NBAS: variants seen among roughly 807,000 people sequenced by gnomAD.
NBAS encodes NBAS subunit of NRZ tethering complex, also known as NAG/BC035112 fusion.
In NBAS, 219 loss-of-function variants were observed where a neutral mutation model predicts 302.5. The ratio of observed to expected loss-of-function variants is 0.72; its 90% confidence interval spans 0.65 to 0.81. NBAS has a LOEUF of 0.81. Among genes scored for constraint, NBAS ranks in the 30% least tolerant of loss-of-function variants. NBAS has a pLI of 0.00. For missense variants in NBAS, 2,932 were observed against 2,841.6 expected (o/e 1.03, Z -0.72); for synonymous variants, 1,118 against 1,021.6 (o/e 1.09, Z -1.80).
chr2:14,790,206 G>A, the NBAS span, among the ~76,000 whole-genome samples: 2 of 152,152 alleles, frequency 1.3e-5, no homozygotes, highest in African/African-American at 4.8e-5. Flanking sequence ...CCCACTTACT[G>A]CTAACTTCTT....
chr2:15,191,983 C>G (rs1238809745), intron 48 of NBAS, among the ~76,000 whole-genome samples: 1 of 152,154 alleles, frequency 6.6e-6, no homozygotes, highest in Non-Finnish European at 1.5e-5. Context: ...CACCAGATAT[C>G]TGAGTGACTC....
intron 9 of NBAS, among the ~76,000 whole-genome samples, chr2:15,528,630 G>A (rs2148671156): frequency 6.7e-6 from 1 of 149,770 alleles, no homozygotes; most frequent in Admixed American, 6.6e-5. Flanking sequence ...CACTTTGGGA[G>A]GCTGAGGCGG....
chr2:15,553,965 C>T, intron 4 of NBAS, 96 bp downstream of exon 4: 1 of 1,035,620 alleles, frequency 9.7e-7, no homozygotes, highest in Non-Finnish European at 1.5e-6. Context: ...CAATAAAAAT[C>T]AAGACTGAAA....
intron 44 of NBAS, among the ~76,000 whole-genome samples, chr2:15,245,909 A>G (rs1477866045): frequency 6.6e-6 from 1 of 152,192 alleles, no homozygotes; most frequent in Non-Finnish European, 1.5e-5. Context: ...GTAAAAGCCA[A>G]TCTTAGCTAA....
At chr2:15,067,159 CAAAAAAAAAAAAA>C in the NBAS span, among the ~76,000 whole-genome samples, 750 of 93,362 alleles carry the variant, frequency 8.0e-3, 8 homozygotes, top group African/African-American at 0.036. Flanking sequence ...CTTATCTCCA[CAAAAAAAAAAAAA>C]AAAAAAAAAA....
At chr2:15,082,894 A>G in the NBAS span, among the ~76,000 whole-genome samples, 2 of 152,254 alleles carry the variant, frequency 1.3e-5, no homozygotes, top group African/African-American at 4.8e-5. Context: ...GCTGACATGT[A>G]GTAGAGCCAG....
At chr2:15,145,937 G>A in the NBAS span, among the ~76,000 whole-genome samples, 1 of 151,968 alleles carries the variant, frequency 6.6e-6, no homozygotes, top group African/African-American at 2.4e-5. Context: ...TCCCTGAGTT[G>A]GAGAAAACAC....
chr2:14,932,666 G>A, the NBAS span, among the ~76,000 whole-genome samples: 2 of 152,200 alleles, frequency 1.3e-5, no homozygotes, highest in Non-Finnish European at 2.9e-5. Context: ...TTTCCTGAAT[G>A]GAACCCCTAA....
the NBAS span, among the ~76,000 whole-genome samples, chr2:15,159,916 A>G: frequency 1.3e-5 from 2 of 152,016 alleles, no homozygotes; most frequent in Non-Finnish European, 2.9e-5. Flanking sequence ...CTGGCTATGC[A>G]ATTTGGGGAT....
intron 44 of NBAS, among the ~76,000 whole-genome samples, chr2:15,258,566 C>T (rs1025611007): frequency 5.9e-5 from 9 of 152,064 alleles, no homozygotes; most frequent in Admixed American, 1.3e-4. Flanking sequence ...GTCTGTCCTA[C>T]GCGGTTGAGA....
At chr2:15,485,949 C>T (rs781607070) in intron 12 of NBAS, among the ~76,000 whole-genome samples, 4 of 152,092 alleles carry the variant, frequency 2.6e-5, no homozygotes, top group Non-Finnish European at 4.4e-5. Context: ...CTTCCATGTT[C>T]CCTACTTGGG....
At chr2:14,911,420 T>C in the NBAS span, among the ~76,000 whole-genome samples, 16 of 152,278 alleles carry the variant, frequency 1.1e-4, no homozygotes, top group Middle Eastern at 6.8e-3. Context: ...CATGAATACA[T>C]CCTGGACGCT....
the NBAS span, among the ~76,000 whole-genome samples, chr2:14,839,837 A>T: frequency 6.6e-6 from 1 of 152,102 alleles, no homozygotes; most frequent in Non-Finnish European, 1.5e-5. Context: ...AAAGAAGACT[A>T]GAATAAATAC....
intron 21 of NBAS, among the ~76,000 whole-genome samples, chr2:15,431,375 T>C (rs975013195): frequency 6.6e-6 from 1 of 152,206 alleles, no homozygotes; most frequent in Non-Finnish European, 1.5e-5. Flanking sequence ...GCATTTGAAG[T>C]GCTAATAAAA....
chr2:14,797,140 G>C, the NBAS span, among the ~76,000 whole-genome samples: 1 of 140,514 alleles, frequency 7.1e-6, no homozygotes, highest in African/African-American at 2.8e-5. Context: ...GCCACTGGGG[G>C]ACTACAGCCA....
the NBAS span, among the ~76,000 whole-genome samples, chr2:15,016,106 A>G: frequency 3.3e-5 from 5 of 152,142 alleles, no homozygotes; most frequent in Admixed American, 6.6e-5. Context: ...AGACTGGGTA[A>G]TTTATAAAGA....
chr2:15,085,693 C>G, the NBAS span, among the ~76,000 whole-genome samples: 1 of 152,200 alleles, frequency 6.6e-6, no homozygotes, highest in African/African-American at 2.4e-5. Context: ...TGGGGGCCTA[C>G]GAAGGCCCCC....
At chr2:15,141,891 G>A in the NBAS span, among the ~76,000 whole-genome samples, 3 of 152,158 alleles carry the variant, frequency 2.0e-5, no homozygotes. Context: ...ATGTTATTAT[G>A]TCTGTACGGG....
chr2:15,490,934 A>T (rs1680830655), intron 11 of NBAS, among the ~76,000 whole-genome samples: 1 of 152,246 alleles, frequency 6.6e-6, no homozygotes, highest in South Asian at 2.1e-4. Context: ...TCCATTATAC[A>T]ACTCCATTGA....
Sources: gnomAD v4.1 joint callset for allele counts (sites outside exome capture counted in the v4.1 genomes callset) on GRCh38, gnomAD v4.1.1 for gene constraint, MANE v1.5 for transcripts, NCBI Gene and HGNC (gene_info 2026-07-23, HGNC 2026-07-21) for gene names.